Variants in TENM2 observed in about 807,000 individuals in gnomAD.
TENM2 encodes the protein teneurin transmembrane protein 2.
In TENM2, 52 loss-of-function variants were observed where a neutral mutation model predicts 245.2. The observed-to-expected ratio is 0.21, with a 90% CI of 0.17 to 0.27. TENM2 has a LOEUF of 0.27. TENM2 is among the 10% of genes least tolerant of loss of function. TENM2 has a pLI of 1.00. For synonymous variants in TENM2, 1,363 were observed against 1,438.9 expected (o/e 0.95, Z 1.19); for missense variants, 3,046 against 3,666.8 (o/e 0.83, Z 4.37).
chr5:167,426,201 A>G (rs1306314613), intron 2 of TENM2, among the ~76,000 whole-genome samples: 3 of 152,202 alleles, frequency 2.0e-5, no homozygotes, highest in Admixed American at 2.0e-4. Flanking sequence ...AGTTTTTTAA[A>G]TGCATGTTTT....
intron 2 of TENM2, among the ~76,000 whole-genome samples, chr5:167,791,851 C>T (rs1764999479): frequency 6.6e-6 from 1 of 152,114 alleles, no homozygotes; most frequent in Non-Finnish European, 1.5e-5. Flanking sequence ...CCATGTGTCT[C>T]AGAGTCATGT....
chr5:167,143,357 G>A, the TENM2 span, among the ~76,000 whole-genome samples: 1 of 152,122 alleles, frequency 6.6e-6, no homozygotes, highest in Admixed American at 6.5e-5. Context: ...AGCAGTAGTG[G>A]GGATCATTAA....
intron 9 of TENM2, among the ~76,000 whole-genome samples, chr5:168,101,710 T>C (rs1346709632): frequency 2.0e-5 from 3 of 152,222 alleles, no homozygotes; most frequent in Non-Finnish European, 4.4e-5. Flanking sequence ...ATTTAGCTGT[T>C]GCACACAGTG....
Position 168,236,953 on chromosome 5 carries a change from TATATATATATATATATA to T in TENM2, c.5521-7466_5521-7450del, listed in dbSNP as rs1765487377. ...GATGTCCTAATCATATATATATATA[TATATATATATATATATA>T]TATATATATATATATATATATATAT... On this transcript the variant is annotated intron_variant, in intron 25 of 28. Coordinates refer to ENST00000518659, the Ensembl canonical transcript of TENM2. 6.6e-4 allele frequency among the ~76,000 whole-genome samples: 2 copies of T among 3,010 alleles called. 1 individual carries two copies. Among genetic ancestry groups the T allele is most frequent in the Non-Finnish European group, 1.0e-3 (2 of 1,974 alleles). The allele number at this position is 3,010 out of a possible 152,430, so 2.0% of individuals were successfully genotyped here. A position where few individuals can be genotyped will look rare whatever the true frequency, so the allele number is the denominator to read the frequency against.
At chr5:167,200,467 A>G in the TENM2 span, among the ~76,000 whole-genome samples, 1 of 151,864 alleles carries the variant, frequency 6.6e-6, no homozygotes, top group Non-Finnish European at 1.5e-5. Context: ...GAAGTCCAAG[A>G]GCAATGGTGG....
chr5:167,587,031 C>A (rs893340231), intron 2 of TENM2, among the ~76,000 whole-genome samples: 2 of 152,154 alleles, frequency 1.3e-5, no homozygotes, highest in African/African-American at 4.8e-5. Context: ...ACCCTAATGG[C>A]CTCTGAATCC....
At chr5:167,577,581 C>A (rs185216873) in intron 2 of TENM2, among the ~76,000 whole-genome samples, 13 of 152,174 alleles carry the variant, frequency 8.5e-5, no homozygotes, top group African/African-American at 2.9e-4. Flanking sequence ...TTATTTGATT[C>A]AAATACATTT....
At chr5:167,115,000 A>G in the TENM2 span, among the ~76,000 whole-genome samples, 1 of 152,272 alleles carries the variant, frequency 6.6e-6, no homozygotes, top group East Asian at 1.9e-4. Flanking sequence ...GGGCATTAGC[A>G]TCAGGTGAGA....
chr5:168,092,386 C>A (rs190996136), intron 8 of TENM2, among the ~76,000 whole-genome samples: 35 of 152,318 alleles, frequency 2.3e-4, no homozygotes, highest in African/African-American at 8.2e-4. Flanking sequence ...GGAGCAGCCC[C>A]ATACATCTGT....
chr5:167,349,049 C>T (rs138847060), intron 1 of TENM2, among the ~76,000 whole-genome samples: 348 of 152,262 alleles, frequency 2.3e-3, no homozygotes, highest in African/African-American at 8.3e-3. Context: ...TAAAATTCCC[C>T]CACTTCAAGT....
chr5:167,823,079 G>A (rs1035916469), intron 2 of TENM2, among the ~76,000 whole-genome samples: 7 of 152,136 alleles, frequency 4.6e-5, no homozygotes, highest in Non-Finnish European at 8.8e-5. Flanking sequence ...GTACTGCATC[G>A]CTTGCCAGAT....
chr5:167,872,417 A>G (rs1225887676), intron 2 of TENM2, among the ~76,000 whole-genome samples: 5 of 151,424 alleles, frequency 3.3e-5, no homozygotes, highest in Admixed American at 2.0e-4. Flanking sequence ...AAAGAGAAAG[A>G]GAGAGACAGA....
Position 167,353,506 on chromosome 5 carries a change from T to TTG in TENM2, c.227-21691_227-21690insGT, listed in dbSNP as rs1403674716. ...GTTTTTTGTTGTTGTTGTTGTTTTT[T>TTG]TTTTTTTTTTTTTTTTTTTGAGACG... On this transcript the variant is annotated intron_variant, in intron 1 of 28. Transcript: ENST00000518659. 4.1e-4 allele frequency among the ~76,000 whole-genome samples: 42 copies of TTG among 102,508 alleles called. 1 individual carries two copies. Among genetic ancestry groups the TTG allele is most frequent in the Admixed American group, 4.0e-3 (39 of 9,630 alleles). The allele number at this position is 102,508 out of a possible 152,430, so 67.2% of individuals were successfully genotyped here. A position where few individuals can be genotyped will look rare whatever the true frequency, so the allele number is the denominator to read the frequency against.
intron 2 of TENM2, among the ~76,000 whole-genome samples, chr5:167,452,120 C>A (rs940287148): frequency 6.6e-6 from 1 of 152,156 alleles, no homozygotes; most frequent in Admixed American, 6.5e-5. Flanking sequence ...AAAGTTTAGA[C>A]TTAAGAAACG....
At chr5:167,613,172 C>CACT (rs1777582600) in intron 2 of TENM2, among the ~76,000 whole-genome samples, 1 of 152,170 alleles carries the variant, frequency 6.6e-6, no homozygotes, top group Admixed American at 6.5e-5. Flanking sequence ...TGGGTTCAGA[C>CACT]ACTGGCTCCA....
rs1006791997 is a variant in TENM2 at position 167,970,598 on chromosome 5, C to G, written c.947+17776C>G. Among the ~76,000 whole-genome samples, 36 of 152,162 alleles carry G rather than the reference C, an allele frequency of 2.4e-4. 1 individual carries two copies. The highest frequency in any genetic ancestry group is 8.8e-5 in the Non-Finnish European group (6 of 68,036). On this transcript the variant is annotated intron_variant, in intron 4 of 28. Transcript: ENST00000518659. ...ATGGGAAACATTTAACTCCATGCTTCAAGCTCCTAATATTCTCAGCAATGC... is the reference window on the plus strand; with the variant it reads ...ATGGGAAACATTTAACTCCATGCTTGAAGCTCCTAATATTCTCAGCAATGC...
At chr5:167,190,782 G>T in the TENM2 span, among the ~76,000 whole-genome samples, 1 of 151,972 alleles carries the variant, frequency 6.6e-6, no homozygotes, top group African/African-American at 2.4e-5. Flanking sequence ...ACCAATTCAT[G>T]CCAATCGGGA....
intron 2 of TENM2, among the ~76,000 whole-genome samples, chr5:167,870,145 T>C (rs776361843): frequency 2.6e-5 from 4 of 152,198 alleles, no homozygotes; most frequent in Non-Finnish European, 4.4e-5. Context: ...TCACATAGGA[T>C]TTTAAAGTTT....
At chr5:167,302,325 T>C (rs185296892) in intron 1 of TENM2, among the ~76,000 whole-genome samples, 1 of 152,138 alleles carries the variant, frequency 6.6e-6, no homozygotes, top group Admixed American at 6.5e-5. Context: ...TTTTAGGTTT[T>C]TAAGAACACA....
Sources: gnomAD v4.1 joint callset for allele counts (sites outside exome capture counted in the v4.1 genomes callset) on GRCh38, gnomAD v4.1.1 for gene constraint, MANE v1.5 for transcripts, NCBI Gene and HGNC (gene_info 2026-07-23, HGNC 2026-07-21) for gene names.